BCAS3: variants seen among roughly 807,000 people sequenced by gnomAD.
The protein encoded by BCAS3 is BCAS4/BCAS3 fusion.
In BCAS3, 53 loss-of-function variants were observed where a neutral mutation model predicts 116.1. The ratio of observed to expected loss-of-function variants is 0.46; its 90% confidence interval spans 0.37 to 0.57. The LOEUF (loss-of-function observed/expected upper bound fraction) is 0.57, where lower values mean the gene tolerates loss of function less well. Among genes scored for constraint, BCAS3 ranks in the 20% least tolerant of loss-of-function variants. The pLI is 0.00. For missense variants in BCAS3, 917 were observed against 1,165.4 expected, an observed-to-expected ratio of 0.79 and a Z score of 3.10; for synonymous variants, 391 against 408.2, an observed-to-expected ratio of 0.96 and a Z score of 0.51.
chr17:60,963,466 A>G (rs772165110), intron 14 of BCAS3, among the ~76,000 whole-genome samples: 15 of 151,376 alleles, frequency 9.9e-5, no homozygotes, highest in Non-Finnish European at 1.9e-4. Flanking sequence ...AGACCTAGGA[A>G]TTTTATATTT....
chr17:61,320,151 A>G (rs1004212942), intron 22 of BCAS3, among the ~76,000 whole-genome samples: 1 of 151,416 alleles, frequency 6.6e-6, no homozygotes, highest in Non-Finnish European at 1.5e-5. Context: ...CGGCCTCCCA[A>G]AGTGCTGGGA....
Position 61,041,643 on chromosome 17 carries a change from GT to G in BCAS3, c.2029+752del, listed in dbSNP as rs1464201235. On this transcript the variant is annotated intron_variant, in intron 19 of 23. Coordinates refer to ENST00000407086, the MANE Select transcript of BCAS3 (RefSeq NM_017679.5). This position sits in a 1 kb window ranked among gnomAD's most constrained non-coding sequence, Gnocchi z 4.7. ...GACATGTTTTTAATGAAACTTTGTT[GT>G]ATTTAACACATTGTCTTGCCCGGTA... 6.6e-6 allele frequency among the ~76,000 whole-genome samples: 1 copy of G among 151,908 alleles called. No homozygotes were observed. The highest frequency in any genetic ancestry group is 2.4e-5 in the African/African-American group (1 of 41,396).
At chr17:60,896,647 G>C (rs2057531034) in intron 10 of BCAS3, among the ~76,000 whole-genome samples, 1 of 147,668 alleles carries the variant, frequency 6.8e-6, no homozygotes, top group Admixed American at 6.7e-5. Flanking sequence ...AACTACCCCT[G>C]TTCACTTTTG....
chr17:61,069,336 G>A (rs547553096), intron 19 of BCAS3, among the ~76,000 whole-genome samples: 11 of 152,246 alleles, frequency 7.2e-5, no homozygotes, highest in Non-Finnish European at 1.6e-4. Context: ...ATGGAGAATG[G>A]TGCAACTGAG....
chr17:61,045,860 T>TA (rs1448469789), intron 19 of BCAS3, among the ~76,000 whole-genome samples: 4 of 1,934 alleles, frequency 2.1e-3, no homozygotes, highest in East Asian at 0.012. Context: ...TATATATATA[T>TA]ATATAAATAT....
Position 61,124,763 on chromosome 17 carries a change from T to C in BCAS3, c.2425+40199T>C, listed in dbSNP as rs2143829748. Among the ~76,000 whole-genome samples the C allele has an allele frequency of 6.6e-6, 1 of 152,334 alleles. No individual in the cohort carries two copies. Among genetic ancestry groups the C allele is most frequent in the South Asian group, 2.1e-4 (1 of 4,830 alleles). On this transcript the variant is annotated intron_variant, in intron 22 of 23. Transcript: ENST00000407086. This position sits in a 1 kb window ranked among gnomAD's most constrained non-coding sequence, Gnocchi z 4.6. ...CTGCCAAGTGATCCCAGGTGTGGGA[T>C]TGCAGCAGGTAATTTCCTGAGCTGT... is the stretch of plus-strand genomic sequence containing the variant.
Position 61,354,687 on chromosome 17 carries a change from C to T in BCAS3, c.2426-13640C>T, listed in dbSNP as rs2058051849. The T allele has an allele frequency of 6.6e-6, 1 of 152,246 alleles. No individual in the cohort carries two copies. The highest frequency in any genetic ancestry group is 1.5e-5 in the Non-Finnish European group (1 of 68,062). 9.4% of individuals were successfully genotyped at this position (152,246 alleles called of 1,614,324 possible). On this transcript the variant is annotated intron_variant, in intron 22 of 23. Coordinates refer to ENST00000407086, the MANE Select transcript of BCAS3 (RefSeq NM_017679.5). This position sits in a 1 kb window ranked among gnomAD's most constrained non-coding sequence, Gnocchi z 4.5. ...TCCCAAGGACCCTGCACCTGAAAAT[C>T]TGGTACAGGTTTGTCCTTTGGAGTG...
chr17:60,913,661 A>G (rs1021747456), intron 12 of BCAS3, among the ~76,000 whole-genome samples: 28 of 152,246 alleles, frequency 1.8e-4, no homozygotes, highest in African/African-American at 5.8e-4. Context: ...CTCAGATTGT[A>G]TACGAAAAGC....
At chr17:60,932,949 C>A (rs899923854) in intron 13 of BCAS3, among the ~76,000 whole-genome samples, 2 of 151,798 alleles carry the variant, frequency 1.3e-5, no homozygotes, top group African/African-American at 4.8e-5. Context: ...CCGAGGAGGG[C>A]GGATTACTTG....
rs1445160285 is a variant in BCAS3, at chr17:61,215,008, A to C, written c.2425+130444A>C. Among the ~76,000 whole-genome samples the C allele has an allele frequency of 6.6e-6, 1 of 152,338 alleles. No individual in the cohort carries two copies. The highest frequency in any genetic ancestry group is 2.1e-4 in the South Asian group (1 of 4,828). On this transcript the variant is annotated intron_variant, in intron 22 of 23. Transcript: ENST00000407086. The surrounding 1 kb of genome is among the most constrained non-coding windows in gnomAD (Gnocchi z 4.8). ...CCTCTTACACCCACTAGATAGAACT[A>C]ATCAGGATCTCTTTTGATCACTGGA...
chr17:61,240,477 C>G (rs1057316131), intron 22 of BCAS3, among the ~76,000 whole-genome samples: 7 of 152,042 alleles, frequency 4.6e-5, no homozygotes, highest in Admixed American at 3.3e-4. Context: ...ATGGTGAAAC[C>G]CCATCTCTAC....
At chr17:60,905,658 T>C (rs2058150790) in intron 11 of BCAS3, among the ~76,000 whole-genome samples, 1 of 152,184 alleles carries the variant, frequency 6.6e-6, no homozygotes, top group African/African-American at 2.4e-5. Context: ...CCGAAGTTTG[T>C]TGTCTCATGC....
chr17:60,887,540 C>T (rs2056805953), intron 9 of BCAS3: 2 of 152,194 alleles, frequency 1.3e-5, no homozygotes, highest in Admixed American at 6.5e-5. Flanking sequence ...TAGGGGTCCA[C>T]GTTCATTCCA....
chr17:60,721,293 T>G (rs2039212383), intron 5 of BCAS3, among the ~76,000 whole-genome samples: 1 of 152,174 alleles, frequency 6.6e-6, no homozygotes, highest in African/African-American at 2.4e-5. Flanking sequence ...TGGTGCATTC[T>G]CTTCTTCCTG....
rs529606169 is a variant in BCAS3, at chr17:61,226,004, T to C, written c.2425+141440T>C. ...GATTATACTTTTGTAAATTGCCTGC[T>C]TTTCCCCTGTCATCTGCTAATTCCA... On this transcript the variant is annotated intron_variant, in intron 22 of 23. Transcript: ENST00000407086. This position sits in a 1 kb window ranked among gnomAD's most constrained non-coding sequence, Gnocchi z 6.0. Among the ~76,000 whole-genome samples the C allele has an allele frequency of 6.6e-6, 1 of 152,314 alleles. No homozygotes were observed. The highest frequency in any genetic ancestry group is 1.9e-4 in the East Asian group (1 of 5,190).
intron 12 of BCAS3, among the ~76,000 whole-genome samples, chr17:60,920,279 C>T (rs146732510): frequency 4.3e-3 from 654 of 152,274 alleles, no homozygotes; most frequent in Non-Finnish European, 6.3e-3. Context: ...AGAGCTTCTG[C>T]ACAGCAAAAT....
chr17:61,142,373 C>T (rs1174603914), intron 22 of BCAS3, among the ~76,000 whole-genome samples: 1 of 152,156 alleles, frequency 6.6e-6, no homozygotes, highest in Admixed American at 6.5e-5. Context: ...TGGAGGAATA[C>T]TGATCCAATC....
At chr17:61,153,980 C>G (rs2077687347) in intron 22 of BCAS3, among the ~76,000 whole-genome samples, 1 of 152,200 alleles carries the variant, frequency 6.6e-6, no homozygotes, top group Non-Finnish European at 1.5e-5. Flanking sequence ...TATCCTTTCA[C>G]TGTTGCTAAA....
intron 19 of BCAS3, among the ~76,000 whole-genome samples, chr17:61,060,228 G>A (rs1047429365): frequency 6.6e-6 from 1 of 151,578 alleles, no homozygotes; most frequent in South Asian, 2.1e-4. Context: ...CCAGGTTCAC[G>A]CCATTCTCCT....
Sources: allele counts gnomAD v4.1 joint callset (sites outside exome capture counted in the v4.1 genomes callset), GRCh38; gene constraint gnomAD v4.1.1; non-coding constraint Gnocchi (gnomAD v3.1); transcripts MANE v1.5; gene names NCBI Gene and HGNC (gene_info 2026-07-23, HGNC 2026-07-21).